Variants in KCNMA1 observed in about 807,000 individuals in gnomAD.
KCNMA1 encodes potassium calcium-activated channel subfamily M alpha 1.
KCNMA1 carries 29 observed loss-of-function variants against 140.0 expected under a neutral mutation model. That is an observed-to-expected ratio of 0.21 (90% CI 0.15 to 0.28). The LOEUF is 0.28. Ranked by LOEUF, KCNMA1 falls within the 10% of genes least tolerant of loss-of-function variation. The probability of loss-of-function intolerance (pLI) is 1.00; values close to 1 mark genes in which losing one functional copy is unlikely to be tolerated. For synonymous variants in KCNMA1, 612 were observed against 611.9 expected (o/e 1.00, Z 0.00); for missense variants, 880 against 1,602.2 (o/e 0.55, Z 7.70).
chr10:77,530,685 C>T (rs997126779), intron 1 of KCNMA1, among the ~76,000 whole-genome samples: 7 of 152,126 alleles, frequency 4.6e-5, no homozygotes, highest in African/African-American at 7.2e-5. Context: ...TTATTCTGCT[C>T]CCACCACATG....
At chr10:77,202,561 A>T (rs2042800276) in intron 3 of KCNMA1, among the ~76,000 whole-genome samples, 1 of 152,170 alleles carries the variant, frequency 6.6e-6, no homozygotes, top group East Asian at 1.9e-4. Flanking sequence ...CTCAGTGCTC[A>T]CCACACTGAG....
At chr10:77,538,127 CAT>C in intron 1 of KCNMA1, among the ~76,000 whole-genome samples, 1 of 151,890 alleles carries the variant, frequency 6.6e-6, no homozygotes, top group South Asian at 2.1e-4. Context: ...CACACACCCA[CAT>C]ACTCTACATT....
chr10:77,407,626 C>T (rs1303493551), intron 1 of KCNMA1, among the ~76,000 whole-genome samples: 1 of 152,190 alleles, frequency 6.6e-6, no homozygotes, highest in Admixed American at 6.5e-5. Context: ...GCAGAGAGCC[C>T]ACCTGGGCTT....
At chr10:76,895,173 G>A (rs1460035552) in intron 25 of KCNMA1, among the ~76,000 whole-genome samples, 3 of 152,194 alleles carry the variant, frequency 2.0e-5, no homozygotes, top group Middle Eastern at 3.4e-3. Flanking sequence ...TTGCTCAATC[G>A]ATCACAACCC....
chr10:77,636,245 C>T, intron 1 of KCNMA1: 6 of 1,436,158 alleles, frequency 4.2e-6, no homozygotes, highest in Non-Finnish European at 5.5e-6. Flanking sequence ...CTATCAGTGT[C>T]GGGTCCCCCA....
At chr10:77,465,835 C>T (rs191905399) in intron 1 of KCNMA1, among the ~76,000 whole-genome samples, 1 of 152,350 alleles carries the variant, frequency 6.6e-6, no homozygotes, top group East Asian at 1.9e-4. Flanking sequence ...TGCACAGCTT[C>T]AGGAGGCACT....
chr10:77,179,995 C>G (rs1016837349), intron 5 of KCNMA1, among the ~76,000 whole-genome samples: 4 of 152,166 alleles, frequency 2.6e-5, no homozygotes, highest in African/African-American at 7.2e-5. Flanking sequence ...CAATTGAAAA[C>G]TAAACACGGT....
rs45617636 is a variant in KCNMA1, at chr10:77,090,414, G to A, written c.1320C>T (p.Ile440=). 3,188 of 1,610,452 alleles carry A rather than the reference G, an allele frequency of 2.0e-3. 4 individuals are homozygous for A. Among genetic ancestry groups the A allele is most frequent in the Middle Eastern group, 2.3e-3 (14 of 6,056 alleles). ...GAAGCTCTTACTTGTGAAGAAAAAC[G>A]ATCTCCACATTGACGTCATCCCGGT... The part of the protein sequence containing the change: ...HKDRDDVNVE[I]VFLHNISPNL... Residue 440 remains isoleucine, a synonymous_variant, in exon 10 of 28, where the codon ATC becomes ATT. Transcript: ENST00000286628.
At chr10:76,910,178 A>G (rs1180370864) in intron 24 of KCNMA1, 82 bp from the exon 25 acceptor site, 2 of 1,487,628 alleles carry the variant, frequency 1.3e-6, no homozygotes, top group Non-Finnish European at 1.9e-6. Context: ...CTACTGGTTT[A>G]GAAATACTGA....
At chr10:76,988,252 C>G (rs72803384) in intron 19 of KCNMA1, among the ~76,000 whole-genome samples, 3,286 of 152,254 alleles carry the variant, frequency 0.022, 56 homozygotes, top group South Asian at 0.038. Flanking sequence ...TGGGCCCAGT[C>G]TTGGCCTTGC....
At chr10:77,315,720 C>A (rs2080680660) in intron 2 of KCNMA1, 1 of 152,244 alleles carries the variant, frequency 6.6e-6, no homozygotes, top group African/African-American at 2.4e-5. Flanking sequence ...TTTTCCCCCA[C>A]ACCACCAAAG....
chr10:77,096,211 G>A lies in KCNMA1; in HGVS notation c.1224-5701C>T, dbSNP rs543105760. Among the ~76,000 whole-genome samples the A allele has an allele frequency of 2.6e-5, 4 of 152,222 alleles. No homozygotes were observed. The South Asian group carries it at 8.3e-4, about 32-fold the overall frequency. ...GATGAAAGAAAGCAGCTGGTGCCAG[G>A]GAGGATAACCTAAGCTGGGAATTGG... On this transcript the variant is annotated intron_variant, in intron 9 of 27. Transcript: ENST00000286628.
intron 14 of KCNMA1, among the ~76,000 whole-genome samples, chr10:77,045,783 C>T (rs1468925850): frequency 6.6e-6 from 1 of 152,174 alleles, no homozygotes; most frequent in African/African-American, 2.4e-5. Flanking sequence ...TTCAACTCTC[C>T]TGGCTGGGAG....
intron 3 of KCNMA1, among the ~76,000 whole-genome samples, chr10:77,233,668 T>A (rs988554016): frequency 6.6e-6 from 1 of 152,232 alleles, no homozygotes; most frequent in African/African-American, 2.4e-5. Flanking sequence ...ATCTAGTGCC[T>A]ATTGTTTGAA....
At chr10:77,206,944 C>T (rs1247410466) in intron 3 of KCNMA1, among the ~76,000 whole-genome samples, 1 of 152,004 alleles carries the variant, frequency 6.6e-6, no homozygotes, top group Admixed American at 6.6e-5. Context: ...CTTCCTATGT[C>T]TATATGATTT....
intron 5 of KCNMA1, among the ~76,000 whole-genome samples, chr10:77,137,310 A>G (rs1355502966): frequency 6.6e-6 from 1 of 152,162 alleles, no homozygotes; most frequent in African/African-American, 2.4e-5. Context: ...CTTAATCTTT[A>G]AATCCAAAAA....
intron 9 of KCNMA1, among the ~76,000 whole-genome samples, chr10:77,096,055 A>G (rs928196339): frequency 2.6e-5 from 4 of 152,330 alleles, no homozygotes; most frequent in Admixed American, 2.0e-4. Context: ...TCTTAAGTTT[A>G]TCTCAGCATC....
chr10:77,156,090 C>T (rs541100492), intron 5 of KCNMA1, among the ~76,000 whole-genome samples: 103 of 151,872 alleles, frequency 6.8e-4, no homozygotes, highest in African/African-American at 2.4e-3. Flanking sequence ...TAGCCAGGCA[C>T]GGTGGCAGGC....
chr10:77,025,454 G>A, intron 16 of KCNMA1: 1 of 1,602,382 alleles, frequency 6.2e-7, no homozygotes, highest in Non-Finnish European at 8.5e-7. Flanking sequence ...ACCGCTTTCG[G>A]CTTCTGCAAA....
Sources: gnomAD v4.1 joint callset for allele counts (sites outside exome capture counted in the v4.1 genomes callset) on GRCh38, gnomAD v4.1.1 for gene constraint, MANE v1.5 for transcripts, NCBI Gene and HGNC (gene_info 2026-07-23, HGNC 2026-07-21) for gene names.